The following RAPGEF5 variants were observed in gnomAD, a reference collection of about 807,000 sequenced individuals.
RAPGEF5 encodes the protein Rap guanine nucleotide exchange factor 5.
A neutral mutation model predicts 125.2 loss-of-function variants in RAPGEF5; 65 were observed. That is an observed-to-expected ratio of 0.52 (90% CI 0.43 to 0.64). The LOEUF (loss-of-function observed/expected upper bound fraction) is 0.64. Among genes scored for constraint, RAPGEF5 ranks in the 30% least tolerant of loss-of-function variants. The probability of loss-of-function intolerance (pLI) is 0.00; values close to 1 mark genes in which losing one functional copy is unlikely to be tolerated. For missense variants in RAPGEF5, 958 were observed against 1,048.1 expected (o/e 0.91, Z 1.19); for synonymous variants, 391 against 385.9 (o/e 1.01, Z -0.16).
chr7:22,255,399 G>A (rs1234717587), intron 7 of RAPGEF5, among the ~76,000 whole-genome samples: 2 of 151,888 alleles, frequency 1.3e-5, no homozygotes, highest in Admixed American at 6.6e-5. Context: ...GACCAGCCTG[G>A]GCAACATAGC....
chr7:22,216,777 T>A (rs968610576), intron 9 of RAPGEF5, among the ~76,000 whole-genome samples: 25 of 152,186 alleles, frequency 1.6e-4, no homozygotes, highest in Non-Finnish European at 1.0e-4. Flanking sequence ...AAAAATGGAG[T>A]GCTTCCTGAG....
At chr7:22,229,062 A>C (rs1185282758) in intron 8 of RAPGEF5, among the ~76,000 whole-genome samples, 3 of 152,150 alleles carry the variant, frequency 2.0e-5, no homozygotes, top group Non-Finnish European at 4.4e-5. Context: ...GGGGACAAAG[A>C]CTTAGGCGAC....
At chr7:22,328,495 T>G (rs765555159) in intron 1 of RAPGEF5, among the ~76,000 whole-genome samples, 5 of 152,206 alleles carry the variant, frequency 3.3e-5, no homozygotes, top group Admixed American at 6.5e-5. Context: ...GAACCCTAAG[T>G]ACAGTCAATT....
At chr7:22,347,831 A>G (rs183721728) in intron 1 of RAPGEF5, among the ~76,000 whole-genome samples, 29 of 152,318 alleles carry the variant, frequency 1.9e-4, no homozygotes, top group African/African-American at 6.5e-4. Context: ...ACCTGATATG[A>G]TAAATGTTAT....
At chr7:22,144,550 C>G (rs1040066467) in intron 20 of RAPGEF5, among the ~76,000 whole-genome samples, 3 of 152,134 alleles carry the variant, frequency 2.0e-5, no homozygotes, top group African/African-American at 4.8e-5. Flanking sequence ...TTTAGAGTGG[C>G]TAGAGCATGG....
intron 9 of RAPGEF5, chr7:22,194,482 G>T: frequency 1.5e-6 from 1 of 649,350 alleles, no homozygotes; most frequent in Non-Finnish European, 1.9e-6. Flanking sequence ...CAATGAGTAA[G>T]CCCTATTCAG....
chr7:22,162,368 TC>T (rs752180797), intron 13 of RAPGEF5, 28 bp downstream of exon 13: 2 of 1,530,692 alleles, frequency 1.3e-6, no homozygotes, highest in Non-Finnish European at 1.8e-6. Context: ...TTATTTGGCA[TC>T]AAAGAATATC....
chr7:22,337,975 C>T (rs1015524976), intron 1 of RAPGEF5, among the ~76,000 whole-genome samples: 4 of 152,240 alleles, frequency 2.6e-5, no homozygotes, highest in Non-Finnish European at 5.9e-5. Flanking sequence ...TGTTATTTTA[C>T]ACTTGGCTTT....
chr7:22,216,665 C>G (rs1785646119), intron 9 of RAPGEF5, among the ~76,000 whole-genome samples: 2 of 152,182 alleles, frequency 1.3e-5, no homozygotes, highest in African/African-American at 4.8e-5. Context: ...TTAGAAGACA[C>G]AGCCCATTTC....
chr7:22,217,607 T>C (rs1216930984), intron 9 of RAPGEF5, among the ~76,000 whole-genome samples: 1 of 152,198 alleles, frequency 6.6e-6, no homozygotes, highest in Non-Finnish European at 1.5e-5. Context: ...ACTGGTGTCA[T>C]CCTGCAGAAG....
At chr7:22,166,365 C>T (rs1284156557) in intron 12 of RAPGEF5, among the ~76,000 whole-genome samples, 3 of 152,032 alleles carry the variant, frequency 2.0e-5, no homozygotes, top group South Asian at 2.1e-4. Flanking sequence ...ACTTAAAATG[C>T]GTCTGAATAC....
intron 1 of RAPGEF5, among the ~76,000 whole-genome samples, chr7:22,324,886 C>G (rs1435568993): frequency 6.6e-6 from 1 of 152,120 alleles, no homozygotes; most frequent in Non-Finnish European, 1.5e-5. Flanking sequence ...TGAGTGCTCA[C>G]AGTGTTCCAA....
intron 6 of RAPGEF5, among the ~76,000 whole-genome samples, chr7:22,283,880 CATAAAG>C (rs1189985507): frequency 6.6e-6 from 1 of 152,108 alleles, no homozygotes; most frequent in Non-Finnish European, 1.5e-5. Context: ...TTTCTGAACA[CATAAAG>C]ATAAATTTCC....
At chr7:22,314,390 C>T (rs1783543820) in intron 3 of RAPGEF5, among the ~76,000 whole-genome samples, 1 of 151,918 alleles carries the variant, frequency 6.6e-6, no homozygotes, top group South Asian at 2.1e-4. Context: ...AATTATGCCT[C>T]AGTACAAAGG....
intron 17 of RAPGEF5, among the ~76,000 whole-genome samples, chr7:22,151,568 G>C (rs1042206409): frequency 6.0e-5 from 9 of 150,056 alleles, no homozygotes; most frequent in African/African-American, 2.2e-4. Context: ...GGGTTCAAGT[G>C]ATTCTCCAAC....
rs1782610315 is a variant in RAPGEF5, at chr7:22,122,489, T to C, written c.2569A>G (p.Lys857Glu). The C allele has an allele frequency of 6.2e-7, 1 of 1,613,722 alleles. No homozygotes were observed. The highest frequency in any genetic ancestry group is 1.1e-5 in the South Asian group (1 of 91,062). Residue 857 changes from lysine to glutamate, a missense_variant, in exon 26 of 26, where the codon AAG becomes GAG. Physicochemically the swap from Lys to Glu is moderately conservative, Grantham distance 56 (BLOSUM62 1). Coordinates refer to ENST00000665637, the MANE Select transcript of RAPGEF5 (RefSeq NM_012294.5). ...DLSPKEHQELKSYVNHLYVID... is the reference protein window; with the variant it reads ...DLSPKEHQELESYVNHLYVID... ...ACATACAGGTGATTAACATAGGACTTTAACTCTTGATGCTCTTTTGGAGAC... is the reference window on the plus strand; with the variant it reads ...ACATACAGGTGATTAACATAGGACTCTAACTCTTGATGCTCTTTTGGAGAC...
intron 6 of RAPGEF5, among the ~76,000 whole-genome samples, chr7:22,267,299 TA>T (rs368647302): frequency 0.029 from 4,364 of 151,412 alleles, 182 homozygotes; most frequent in African/African-American, 0.099. Flanking sequence ...GGGAAGTACC[TA>T]AAAAAAAACT....
intron 11 of RAPGEF5, among the ~76,000 whole-genome samples, chr7:22,183,794 T>G (rs1784748480): frequency 6.6e-6 from 1 of 152,140 alleles, no homozygotes; most frequent in Non-Finnish European, 1.5e-5. Flanking sequence ...GGACAAAACC[T>G]CCACTCTAAC....
chr7:22,205,046 T>C (rs1206136514), intron 9 of RAPGEF5, among the ~76,000 whole-genome samples: 2 of 152,158 alleles, frequency 1.3e-5, no homozygotes, highest in Non-Finnish European at 2.9e-5. Context: ...GAGGAATTAA[T>C]ATTAAAGTGA....
Sources: gnomAD v4.1 joint callset for allele counts (sites outside exome capture counted in the v4.1 genomes callset) on GRCh38, gnomAD v4.1.1 for gene constraint, MANE v1.5 for transcripts, NCBI Gene and HGNC (gene_info 2026-07-23, HGNC 2026-07-21) for gene names.